PRUNE2: variants seen among roughly 807,000 people sequenced by gnomAD.
The protein encoded by PRUNE2 is protein prune homolog 2.
A neutral mutation model predicts 252.0 loss-of-function variants in PRUNE2; 164 were observed. The ratio of observed to expected loss-of-function variants is 0.65; its 90% CI spans 0.57 to 0.74. The LOEUF (loss-of-function observed/expected upper bound fraction) is 0.74. Among genes scored for constraint, PRUNE2 ranks in the 30% least tolerant of loss-of-function variants. The pLI is 0.00. For missense variants in PRUNE2, 3,495 were observed against 3,711.0 expected (o/e 0.94, Z 1.51); for synonymous variants, 1,292 against 1,350.2 (o/e 0.96, Z 0.94).
chr9:76,645,517 AAAC>A (rs1844445497), intron 11 of PRUNE2, among the ~76,000 whole-genome samples: 1 of 152,178 alleles, frequency 6.6e-6, no homozygotes, highest in South Asian at 2.1e-4. Context: ...AGTGAGAAAC[AAAC>A]AACTTTGTAG....
rs2059147991 is a variant in PRUNE2 at position 76,837,986 on chromosome 9, T to C, written c.508+8529A>G. On this transcript the variant is annotated intron_variant, in intron 4 of 18. Transcript: ENST00000376718. ...CGGGGTTTCACCGTGTTAGCCAGGA[T>C]GGTCTCGATCTCCTGACCTCGTGAT... Among the ~76,000 whole-genome samples the C allele has an allele frequency of 2.6e-5, 4 of 151,932 alleles. No homozygotes were observed. The South Asian group carries it at 8.3e-4, about 32-fold the overall frequency.
chr9:76,768,583 ATGTGTGTGTGTGTGTG>A (rs55793596), intron 6 of PRUNE2, among the ~76,000 whole-genome samples: 4 of 103,240 alleles, frequency 3.9e-5, no homozygotes, highest in African/African-American at 6.5e-5. Context: ...ATGTATATGT[ATGTGTGTGTGTGTGTG>A]TGTGTGTGTG....
intron 9 of PRUNE2, among the ~76,000 whole-genome samples, chr9:76,662,506 G>A (rs1167420812): frequency 6.6e-6 from 1 of 152,218 alleles, no homozygotes; most frequent in African/African-American, 2.4e-5. Flanking sequence ...CAACGTATCT[G>A]AATCTGGAGG....
At position 76,843,051 on chromosome 9, in the gene PRUNE2, CAA is replaced by C. The variant is rs977943039; in HGVS notation, c.508+3462_508+3463del. Among the ~76,000 whole-genome samples the C allele has an allele frequency of 1.7e-3, 253 of 152,262 alleles. 1 individual carries two copies. The highest frequency in any genetic ancestry group is 5.3e-3 in the African/African-American group (219 of 41,554). ...CATACACTTATTGCCGCACTATTCA[CAA>C]AGACTTGGAACCAACCCAAATGCCC... is the stretch of plus-strand genomic sequence containing the variant. On this transcript the variant is annotated intron_variant, in intron 4 of 18. Transcript: ENST00000376718.
At position 76,637,492 on chromosome 9, in the gene PRUNE2, C is replaced by G. The variant is rs750912291; in HGVS notation, c.8889G>C (p.Leu2963Phe). The change falls in exon 14 of 19, where the codon TTG (leucine) becomes TTC (phenylalanine). Residue 2963 changes from leucine to phenylalanine, a missense_variant. Transcript: ENST00000376718. ...MVAEDYMIVY[L>F]NGATPRRRMP... is the part of the protein sequence containing the mutation. ...TCCTCCTTCTTGGGGTTGCACCATT[C>G]AAGTACACAATCATATAGTCTTCAG... 5.6e-6 allele frequency: 9 copies of G among 1,613,396 alleles called. No individual in the cohort carries two copies. In the South Asian group the frequency reaches 9.9e-5, roughly 18 times the overall value.
At chr9:76,687,517 G>GCT (rs943394660) in intron 9 of PRUNE2, 45 of 189,404 alleles carry the variant, frequency 2.4e-4, no homozygotes, top group Admixed American at 2.4e-3. Flanking sequence ...GATATTGAAT[G>GCT]CTCTCTCTCT....
intron 4 of PRUNE2, among the ~76,000 whole-genome samples, chr9:76,834,869 T>C (rs948896525): frequency 6.6e-6 from 1 of 152,244 alleles, no homozygotes; most frequent in East Asian, 1.9e-4. Context: ...CTTATTTTTC[T>C]GTATCATGAC....
rs999957512 is a variant in PRUNE2, at chr9:76,752,298, C to T, written c.757-38577G>A. Among the ~76,000 whole-genome samples, 7 of 152,166 alleles carry T rather than the reference C, an allele frequency of 4.6e-5. No homozygotes were observed. In the East Asian group the frequency reaches 7.8e-4, roughly 17 times the overall value. ...ATTTTTAGTAGAGACGGGGTTTCACCGTGTTAGCCAGGATGGTCGCGATCT... is the reference window on the plus strand; with the variant it reads ...ATTTTTAGTAGAGACGGGGTTTCACTGTGTTAGCCAGGATGGTCGCGATCT... On this transcript the variant is annotated intron_variant, in intron 6 of 18. Coordinates refer to ENST00000376718, the MANE Select transcript of PRUNE2 (RefSeq NM_015225.3).
chr9:76,636,588 C>G (rs971139665), intron 14 of PRUNE2, 31 bp from the exon 15 acceptor site: 2 of 1,120,482 alleles, frequency 1.8e-6, no homozygotes, highest in African/African-American at 1.6e-5. Context: ...AAATACATTA[C>G]TCTTAACCCA....
At chr9:76,619,891 C>T (rs535958014) in intron 17 of PRUNE2, among the ~76,000 whole-genome samples, 59 of 152,234 alleles carry the variant, frequency 3.9e-4, no homozygotes, top group Non-Finnish European at 6.5e-4. Flanking sequence ...CTTACCACTC[C>T]ATACAGCTGA....
chr9:76,616,286 T>A (rs1390888337), intron 18 of PRUNE2, among the ~76,000 whole-genome samples: 1 of 152,226 alleles, frequency 6.6e-6, no homozygotes, highest in Non-Finnish European at 1.5e-5. Context: ...ACAGGTCATT[T>A]AAAAAATATA....
intron 1 of PRUNE2, among the ~76,000 whole-genome samples, chr9:76,892,064 C>CA (rs10665794): frequency 4.5e-5 from 2 of 44,530 alleles, no homozygotes; most frequent in African/African-American, 2.6e-4. Context: ...GAGAAAGTAG[C>CA]CCCCCCAGCC....
chr9:76,632,948 G>A (rs576294041), intron 15 of PRUNE2, among the ~76,000 whole-genome samples: 7 of 152,350 alleles, frequency 4.6e-5, no homozygotes, highest in Admixed American at 1.3e-4. Context: ...CCGGCTGGGC[G>A]CAGTGTCTCG....
intron 6 of PRUNE2, among the ~76,000 whole-genome samples, chr9:76,773,430 T>C (rs548105179): frequency 4.1e-5 from 6 of 147,016 alleles, no homozygotes; most frequent in Non-Finnish European, 7.5e-5. Context: ...ACATACACAC[T>C]AGTACATCTT....
At chr9:76,652,421 C>G in intron 11 of PRUNE2, 62 bp downstream of exon 11, 21 of 1,144,588 alleles carry the variant, frequency 1.8e-5, no homozygotes, top group Non-Finnish European at 2.7e-5. Context: ...AATGAGAGGT[C>G]TGTTAGAAAA....
At chr9:76,852,822 A>ATCTG (rs995651223) in intron 2 of PRUNE2, among the ~76,000 whole-genome samples, 4 of 38,840 alleles carry the variant, frequency 1.0e-4, no homozygotes, top group African/African-American at 9.2e-4. Flanking sequence ...CTATCTATCT[A>ATCTG]TCTATCTATC....
At chr9:76,682,259 A>G (rs1393113756) in intron 9 of PRUNE2, among the ~76,000 whole-genome samples, 3 of 151,652 alleles carry the variant, frequency 2.0e-5, no homozygotes, top group Non-Finnish European at 2.9e-5. Context: ...TTACTTATAG[A>G]AAACTTACCA....
intron 1 of PRUNE2, among the ~76,000 whole-genome samples, chr9:76,895,975 C>T (rs185364843): frequency 1.3e-5 from 2 of 152,232 alleles, no homozygotes; most frequent in Non-Finnish European, 2.9e-5. Context: ...TGGGGTTTCA[C>T]CATGTTGGTC....
At chr9:76,735,561 T>C (rs2135481731) in intron 6 of PRUNE2, among the ~76,000 whole-genome samples, 1 of 150,720 alleles carries the variant, frequency 6.6e-6, no homozygotes, top group South Asian at 2.1e-4. Flanking sequence ...ATAGCAGGAG[T>C]AACTGGAAGG....
Sources: allele counts gnomAD v4.1 joint callset (sites outside exome capture counted in the v4.1 genomes callset), GRCh38; gene constraint gnomAD v4.1.1; transcripts MANE v1.5; gene names NCBI Gene and HGNC (gene_info 2026-07-23, HGNC 2026-07-21).